ADK: variants seen among roughly 807,000 people sequenced by gnomAD.
The protein encoded by ADK is adenosine kinase, also known as N6,N6-dimethyladenosine kinase.
In ADK, 24 loss-of-function variants were observed where a neutral mutation model predicts 44.7. The observed-to-expected ratio is 0.54, with a 90% CI of 0.39 to 0.76. ADK has a LOEUF of 0.76. Ranked by LOEUF, ADK falls within the 30% of genes least tolerant of loss-of-function variation. ADK has a pLI of 0.00. For synonymous variants in ADK, 128 were observed against 142.6 expected, an observed-to-expected ratio of 0.90 and a Z score of 0.73; for missense variants, 321 against 425.1, an observed-to-expected ratio of 0.76 and a Z score of 2.15.
In ADK at chr10:74,151,360, T is replaced by C. The variant is rs1035081156; in HGVS notation, c.65+17T>C. 28 of 1,549,316 alleles carry C rather than the reference T, an allele frequency of 1.8e-5. No homozygotes were observed. In the Admixed American group the frequency reaches 3.9e-4, roughly 22 times the overall value. On this transcript the variant is annotated intron_variant, in intron 1 of 10. Transcript: ENST00000539909. ...AGCGCTGAGGTGAGCGCTGCCGGAC[T>C]TGGGGAGGAGGGTGACGGCGCTGCA...
intron 1 of ADK, among the ~76,000 whole-genome samples, chr10:74,159,264 A>G (rs568218129): frequency 6.6e-6 from 1 of 152,374 alleles, no homozygotes; most frequent in Admixed American, 6.5e-5. Context: ...ATATATATGT[A>G]TAGCAATTAT....
chr10:74,391,871 G>C (rs60126881), intron 4 of ADK, among the ~76,000 whole-genome samples: 4,809 of 152,026 alleles, frequency 0.032, 285 homozygotes, highest in African/African-American at 0.11. Flanking sequence ...CCTCCCTGAC[G>C]TCCTTGGCAA....
At chr10:74,479,985 T>G (rs1256127865) in intron 6 of ADK, among the ~76,000 whole-genome samples, 1 of 152,144 alleles carries the variant, frequency 6.6e-6, no homozygotes, top group East Asian at 1.9e-4. Flanking sequence ...TGTTTGAGTT[T>G]TCCCCCAATC....
intron 6 of ADK, among the ~76,000 whole-genome samples, chr10:74,502,622 C>T (rs1034970792): frequency 1.3e-5 from 2 of 152,096 alleles, no homozygotes; most frequent in African/African-American, 4.8e-5. Context: ...CGAAAGCACT[C>T]ACATTGTAAA....
chr10:74,299,794 A>G (rs910325547), intron 3 of ADK, among the ~76,000 whole-genome samples: 2 of 151,806 alleles, frequency 1.3e-5, no homozygotes, highest in African/African-American at 4.8e-5. Flanking sequence ...TTGAACCAGT[A>G]TTATCAACAG....
At position 74,567,861 on chromosome 10, in the gene ADK, G is replaced by C. The variant is rs888296469; in HGVS notation, c.727-21421G>C. Among the ~76,000 whole-genome samples the C allele has an allele frequency of 5.9e-5, 9 of 151,914 alleles. No homozygotes were observed. In the East Asian group the frequency reaches 1.4e-3, roughly 23 times the overall value. ...CTACAGGCGCCTGCCACCACGCCCAGCTAATTTTTTTGTATTTTTAGTAGA... is the reference window on the plus strand; with the variant it reads ...CTACAGGCGCCTGCCACCACGCCCACCTAATTTTTTTGTATTTTTAGTAGA... On this transcript the variant is annotated intron_variant, in intron 7 of 10. Coordinates refer to ENST00000539909, the MANE Select transcript of ADK (RefSeq NM_006721.4).
chr10:74,707,148 A>G (rs1208542359), intron 10 of ADK, among the ~76,000 whole-genome samples: 2 of 151,996 alleles, frequency 1.3e-5, no homozygotes, highest in Admixed American at 1.3e-4. Context: ...CAATCCTCTC[A>G]CCTCAGCCTC....
chr10:74,438,903 T>C (rs1845288808), intron 6 of ADK, among the ~76,000 whole-genome samples: 1 of 152,224 alleles, frequency 6.6e-6, no homozygotes, highest in South Asian at 2.1e-4. Flanking sequence ...TTATATGTTC[T>C]AGATAATGTG....
At position 74,708,417 on chromosome 10, in the gene ADK, C is replaced by A; in HGVS notation, c.1061C>A (p.Thr354Asn). The A allele has an allele frequency of 6.2e-7, 1 of 1,612,366 alleles. No individual in the cohort carries two copies. ...ASIIIRRTGC[T>N]FPEKPDFH The stretch of plus-strand genomic sequence containing the variant: ...ATCATAATTAGACGGACTGGCTGCA[C>A]CTTTCCTGAGAAGCCAGACTTCCAC... The change falls in exon 11 of 11, where the codon ACC becomes AAC. Residue 354 changes from threonine (T) to asparagine (N), a missense_variant. Transcript: ENST00000539909.
At chr10:74,406,336 T>G (rs949443619) in intron 6 of ADK, among the ~76,000 whole-genome samples, 1 of 152,138 alleles carries the variant, frequency 6.6e-6, no homozygotes, top group South Asian at 2.1e-4. Context: ...ACCTCCTTTA[T>G]CTGCTTTTAA....
At chr10:74,443,167 T>C (rs1187614011) in intron 6 of ADK, among the ~76,000 whole-genome samples, 1 of 152,158 alleles carries the variant, frequency 6.6e-6, no homozygotes, top group African/African-American at 2.4e-5. Context: ...TTAAGTCTTC[T>C]ACCACACACA....
chr10:74,224,174 TATG>T, intron 2 of ADK, among the ~76,000 whole-genome samples: 1 of 152,348 alleles, frequency 6.6e-6, no homozygotes, highest in Middle Eastern at 3.4e-3. Context: ...GTTCACAGTA[TATG>T]ATTACTATAT....
At chr10:74,176,729 C>G (rs977587200) in intron 1 of ADK, 1 of 1,495,852 alleles carries the variant, frequency 6.7e-7, no homozygotes, top group African/African-American at 1.4e-5. Flanking sequence ...AGCCAGGGGC[C>G]GCCCGCGCGC....
intron 6 of ADK, among the ~76,000 whole-genome samples, chr10:74,521,068 T>C (rs1168765884): frequency 6.6e-6 from 1 of 152,172 alleles, no homozygotes; most frequent in Middle Eastern, 3.2e-3. Flanking sequence ...GTAATGGCAC[T>C]GTTTTTATTT....
intron 4 of ADK, among the ~76,000 whole-genome samples, chr10:74,370,531 GACT>G (rs1236732433): frequency 2.0e-5 from 3 of 151,972 alleles, no homozygotes; most frequent in Non-Finnish European, 4.4e-5. Context: ...AAATACATTT[GACT>G]ACTAACTTAA....
At chr10:74,385,578 A>T (rs1434927658) in intron 4 of ADK, among the ~76,000 whole-genome samples, 1 of 152,192 alleles carries the variant, frequency 6.6e-6, no homozygotes, top group Non-Finnish European at 1.5e-5. Context: ...ATAATAGGTG[A>T]TCAACAAATA....
chr10:74,157,140 G>C (rs371352102), intron 1 of ADK, among the ~76,000 whole-genome samples: 3 of 152,202 alleles, frequency 2.0e-5, no homozygotes, highest in East Asian at 1.9e-4. Context: ...TCAGAGTCAG[G>C]AACTGTGGTT....
intron 6 of ADK, among the ~76,000 whole-genome samples, chr10:74,469,761 T>C (rs1459217885): frequency 6.6e-6 from 1 of 152,224 alleles, no homozygotes; most frequent in Non-Finnish European, 1.5e-5. Flanking sequence ...AAACGGAAAC[T>C]CTGTAGCCAT....
chr10:74,240,455 A>G (rs1845168707), intron 3 of ADK, among the ~76,000 whole-genome samples: 1 of 151,008 alleles, frequency 6.6e-6, no homozygotes, highest in Non-Finnish European at 1.5e-5. Flanking sequence ...TTTTCCCTTT[A>G]AACTGTTACT....
Sources: gnomAD v4.1 joint callset for allele counts (sites outside exome capture counted in the v4.1 genomes callset) on GRCh38, gnomAD v4.1.1 for gene constraint, MANE v1.5 for transcripts, NCBI Gene and HGNC (gene_info 2026-07-23, HGNC 2026-07-21) for gene names.